Variants in FAM178B observed in about 807,000 individuals in gnomAD.
The protein encoded by FAM178B is protein FAM178B.
Under a neutral mutation model 91.7 loss-of-function variants are expected in FAM178B, and 82 were observed. The observed-to-expected ratio is 0.89, with a 90% confidence interval of 0.75 to 1.07. The LOEUF is 1.07. Among genes scored for constraint, FAM178B ranks in the 50% least tolerant of loss-of-function variants. The pLI, the probability that FAM178B is intolerant of heterozygous loss-of-function variation, is 0.00. For synonymous variants in FAM178B, 368 were observed against 359.4 expected (o/e 1.02, Z -0.27); for missense variants, 769 against 846.7 (o/e 0.91, Z 1.14).
At chr2:96,930,601 C>G (rs2153371723) in intron 8 of FAM178B, among the ~76,000 whole-genome samples, 1 of 152,248 alleles carries the variant, frequency 6.6e-6, no homozygotes, top group South Asian at 2.1e-4. Flanking sequence ...AGGCCCCATG[C>G]CTAAAAACGT....
Position 96,971,997 on chromosome 2 carries a change from C to G in FAM178B, c.468G>C (p.Gln156His). ...LAGELPEELEQEHLDLDPKRG... is the reference protein window; with the variant it reads ...LAGELPEELEHEHLDLDPKRG... ...TCTTCGGGTCCAAGTCCAGGTGTTC[C>G]TGCTCCAACTCCTCGGGCAGCTCAC... is the stretch of plus-strand genomic sequence containing the variant. The change falls in exon 3 of 17, where the codon CAG (glutamine) becomes CAC (histidine). Residue 156 changes from glutamine (Q) to histidine (H), a missense_variant. Gln to His is a conservative substitution (Grantham distance 24). Coordinates refer to ENST00000490605, the MANE Select transcript of FAM178B (RefSeq NM_001122646.3). The G allele has an allele frequency of 6.4e-7, 1 of 1,560,002 alleles. No homozygotes were observed. The highest frequency in any genetic ancestry group is 8.7e-7 in the Non-Finnish European group (1 of 1,152,332).
intron 12 of FAM178B, among the ~76,000 whole-genome samples, chr2:96,910,797 A>ATTTT (rs200071141): frequency 7.3e-6 from 1 of 136,212 alleles, no homozygotes; most frequent in Non-Finnish European, 1.6e-5. Flanking sequence ...TCTCTTCTTA[A>ATTTT]TTTTTTTTTT....
chr2:96,878,664 T>G (rs1192302205), intron 14 of FAM178B, among the ~76,000 whole-genome samples, 171 bp from the exon 15 acceptor site: 1 of 152,172 alleles, frequency 6.6e-6, no homozygotes, highest in African/African-American at 2.4e-5. Flanking sequence ...GGGACCTGGG[T>G]GAGCCAGGCT....
chr2:96,962,701 TTTTAAC>T (rs1251352645), intron 5 of FAM178B, among the ~76,000 whole-genome samples: 5 of 152,190 alleles, frequency 3.3e-5, no homozygotes, highest in African/African-American at 1.2e-4. Flanking sequence ...ACGCAAGGTC[TTTTAAC>T]TTTAAGAAAT....
intron 6 of FAM178B, among the ~76,000 whole-genome samples, chr2:96,954,274 A>T (rs1475311254): frequency 6.6e-6 from 1 of 152,258 alleles, no homozygotes; most frequent in Non-Finnish European, 1.5e-5. Context: ...AGAGATGAGG[A>T]GGGAGCTGCT....
At chr2:96,893,255 G>A (rs1420498998) in intron 14 of FAM178B, among the ~76,000 whole-genome samples, 1 of 152,018 alleles carries the variant, frequency 6.6e-6, no homozygotes, top group African/African-American at 2.4e-5. Flanking sequence ...AGCTGAGCCC[G>A]GGATGCCCAC....
Position 96,923,522 on chromosome 2 carries a change from C to A in FAM178B, c.1255G>T (p.Ala419Ser). 1.3e-6 allele frequency: 2 copies of A among 1,551,716 alleles called. No individual in the cohort carries two copies. Among genetic ancestry groups the A allele is most frequent in the South Asian group, 1.2e-5 (1 of 84,064 alleles). The change falls in exon 10 of 17, where the codon GCC (alanine) becomes TCC (serine). Residue 419 changes from alanine (A) to serine (S), a missense_variant. Transcript: ENST00000490605. ...ATGTGGCCCAGGCTGATGTCCAAGG[C>A]AATCTCTTGGGGAGCGTCCTGCTCC... The part of the protein sequence containing the change: ...NEEQDAPQEI[A>S]LDISLGHIYK...
Position 96,911,617 on chromosome 2 carries a change from C to T in FAM178B, c.1563-8910G>A, listed in dbSNP as rs191060104. ...GAGCATCTGAAGGACGGTCACACTC[C>T]GGGACAGCACAAGGTGGAGCTGGTG... On this transcript the variant is annotated intron_variant, in intron 12 of 16. Transcript: ENST00000490605. Among the ~76,000 whole-genome samples the T allele has an allele frequency of 3.9e-5, 6 of 152,302 alleles. 1 individual carries two copies. In the South Asian group the frequency reaches 6.2e-4, roughly 16 times the overall value.
intron 8 of FAM178B, among the ~76,000 whole-genome samples, chr2:96,935,113 A>T (rs2081602886): frequency 6.6e-6 from 1 of 152,232 alleles, no homozygotes; most frequent in Non-Finnish European, 1.5e-5. Context: ...AGAACCACTC[A>T]TATCTGCTAG....
chr2:96,880,590 G>C (rs894961809), intron 14 of FAM178B, among the ~76,000 whole-genome samples: 2 of 149,942 alleles, frequency 1.3e-5, no homozygotes, highest in Non-Finnish European at 2.9e-5. Flanking sequence ...AATGAGAGTT[G>C]GTTTAAAACA....
intron 12 of FAM178B, among the ~76,000 whole-genome samples, chr2:96,920,778 G>A (rs1218721150): frequency 6.6e-6 from 1 of 152,218 alleles, no homozygotes; most frequent in African/African-American, 2.4e-5. Flanking sequence ...ATGGGTAAAT[G>A]CTAGGCAGAA....
intron 1 of FAM178B, 107 bp downstream of exon 1, chr2:96,986,134 C>G (rs764864451): frequency 1.2e-5 from 18 of 1,501,074 alleles, no homozygotes; most frequent in Middle Eastern, 4.8e-4. Flanking sequence ...GCGGCCGCAC[C>G]GGGGCTGACC....
At chr2:96,973,754 A>G (rs1278625483) in intron 1 of FAM178B, among the ~76,000 whole-genome samples, 1 of 152,186 alleles carries the variant, frequency 6.6e-6, no homozygotes, top group Non-Finnish European at 1.5e-5. Flanking sequence ...TAATCCCAGC[A>G]CTTTGGGAGG....
chr2:96,931,767 G>A (rs1574267326), intron 8 of FAM178B, among the ~76,000 whole-genome samples: 1 of 152,094 alleles, frequency 6.6e-6, no homozygotes, highest in African/African-American at 2.4e-5. Context: ...GGCAGGCATC[G>A]AGTATCCCTC....
Position 96,986,516 on chromosome 2 carries a change from T to C in FAM178B, c.-203A>G, listed in dbSNP as rs1574336078. 9 of 638,078 alleles carry C rather than the reference T, an allele frequency of 1.4e-5. No homozygotes were observed. Among genetic ancestry groups the C allele is most frequent in the Non-Finnish European group, 2.1e-5 (8 of 389,496 alleles). The allele number at this position is 638,078 out of a possible 1,614,324, so 39.5% of individuals were successfully genotyped here. On this transcript the variant is annotated 5_prime_UTR_variant, in exon 1 of 17. Transcript: ENST00000490605. ...CCAGTTCTGGGGATTGAGTTCCGAC[T>C]CCAAACCAAGCGGCCAGCTCACAGC... is the stretch of plus-strand genomic sequence containing the variant.
At chr2:96,885,557 C>G (rs1379724298) in intron 14 of FAM178B, among the ~76,000 whole-genome samples, 1 of 152,222 alleles carries the variant, frequency 6.6e-6, no homozygotes, top group Non-Finnish European at 1.5e-5. Context: ...GCTCCAGATT[C>G]CTGCAGACCT....
At chr2:96,877,055 GACA>G (rs2080260303) in intron 16 of FAM178B, among the ~76,000 whole-genome samples, 1 of 152,142 alleles carries the variant, frequency 6.6e-6, no homozygotes, top group South Asian at 2.1e-4. Context: ...ATGGGCTCCT[GACA>G]ACACCTGCCT....
At chr2:96,908,921 G>A (rs1559066531) in intron 12 of FAM178B, among the ~76,000 whole-genome samples, 1 of 152,036 alleles carries the variant, frequency 6.6e-6, no homozygotes, top group African/African-American at 2.4e-5. Flanking sequence ...TGAGGTGGGA[G>A]GATCACCTGA....
At position 96,969,531 on chromosome 2, in the gene FAM178B, C is replaced by T. The variant is rs144559399; in HGVS notation, c.626+1185G>A. Among the ~76,000 whole-genome samples, 53 of 152,292 alleles carry T rather than the reference C, an allele frequency of 3.5e-4. 1 individual carries two copies. In the East Asian group the frequency reaches 6.9e-3, roughly 20 times the overall value. On this transcript the variant is annotated intron_variant, in intron 4 of 16. Transcript: ENST00000490605. ...TGTGTGCCATCCTGTTACAGCAGCCCGAGCTGACTAGCACAGAGCAGGACC... is the reference window on the plus strand; with the variant it reads ...TGTGTGCCATCCTGTTACAGCAGCCTGAGCTGACTAGCACAGAGCAGGACC...
Sources: allele counts gnomAD v4.1 joint callset (sites outside exome capture counted in the v4.1 genomes callset), GRCh38; gene constraint gnomAD v4.1.1; transcripts MANE v1.5; gene names NCBI Gene and HGNC (gene_info 2026-07-23, HGNC 2026-07-21).